The following PPP2R5C variants were observed in gnomAD, a reference collection of about 807,000 sequenced individuals.
PPP2R5C encodes protein phosphatase 2 regulatory subunit B'gamma.
A neutral mutation model predicts 68.9 loss-of-function variants in PPP2R5C; 7 were observed. That is an observed-to-expected ratio of 0.10 (90% CI 0.06 to 0.19). The LOEUF (loss-of-function observed/expected upper bound fraction) is 0.19, where lower values mean the gene tolerates loss of function less well. Ranked by LOEUF, PPP2R5C falls within the 10% of genes least tolerant of loss-of-function variation. The pLI is 1.00. For missense variants in PPP2R5C, 348 were observed against 641.3 expected (o/e 0.54, Z 4.94); for synonymous variants, 210 against 222.2 (o/e 0.95, Z 0.49).
At chr14:101,900,439 A>G (rs1217976537) in intron 8 of PPP2R5C, among the ~76,000 whole-genome samples, 1 of 152,212 alleles carries the variant, frequency 6.6e-6, no homozygotes, top group Non-Finnish European at 1.5e-5. Context: ...ACTTGTGGCA[A>G]TTGCACAGCA....
intron 2 of PPP2R5C, among the ~76,000 whole-genome samples, chr14:101,785,198 G>T (rs1200458262): frequency 6.6e-6 from 1 of 152,044 alleles, no homozygotes; most frequent in Non-Finnish European, 1.5e-5. Flanking sequence ...GCCTGCTTTG[G>T]GTGTTCAAGA....
chr14:101,804,263 CTG>C (rs1196491861), intron 3 of PPP2R5C, among the ~76,000 whole-genome samples: 2 of 152,222 alleles, frequency 1.3e-5, no homozygotes, highest in African/African-American at 4.8e-5. Flanking sequence ...CCCTCGTACA[CTG>C]TTGTTAGGAA....
intron 9 of PPP2R5C, among the ~76,000 whole-genome samples, chr14:101,904,512 G>A (rs776717913): frequency 6.0e-4 from 91 of 152,222 alleles, no homozygotes; most frequent in Middle Eastern, 3.2e-3. Flanking sequence ...CCTAGGAGCT[G>A]TGATGCGATT....
chr14:101,911,183 G>A (rs1261182739), intron 11 of PPP2R5C, among the ~76,000 whole-genome samples: 1 of 151,952 alleles, frequency 6.6e-6, no homozygotes, highest in Non-Finnish European at 1.5e-5. Flanking sequence ...GCTGAGGCAG[G>A]AGGATGGCGT....
At chr14:101,841,505 C>T (rs926726012) in intron 1 of PPP2R5C, among the ~76,000 whole-genome samples, 5 of 152,158 alleles carry the variant, frequency 3.3e-5, no homozygotes, top group Non-Finnish European at 7.4e-5. Flanking sequence ...TTGAAAGACA[C>T]GGGGCCGGCT....
chr14:101,872,624 G>T (rs1285302382), intron 2 of PPP2R5C, among the ~76,000 whole-genome samples: 1 of 152,084 alleles, frequency 6.6e-6, no homozygotes, highest in African/African-American at 2.4e-5. Flanking sequence ...TGTCTTGCTT[G>T]CATTATTTCT....
chr14:101,825,511 G>A lies in PPP2R5C; in HGVS notation c.94+15475G>A, dbSNP rs1046223712. Among the ~76,000 whole-genome samples, 4 of 152,126 alleles carry A rather than the reference G, an allele frequency of 2.6e-5. No individual in the cohort carries two copies. On this transcript the variant is annotated intron_variant, in intron 1 of 13. Transcript: ENST00000334743. This position sits in a 1 kb window ranked among gnomAD's most constrained non-coding sequence, Gnocchi z 4.0. ...AGCTTTTGCCCAGCCTATTTGGGGT[G>A]CACACGCTCATCGATGAGGGCAACA... is the stretch of plus-strand genomic sequence containing the variant.
intron 2 of PPP2R5C, among the ~76,000 whole-genome samples, chr14:101,770,914 A>G (rs2037111721): frequency 6.6e-6 from 1 of 152,238 alleles, no homozygotes; most frequent in Non-Finnish European, 1.5e-5. Flanking sequence ...CATCTGGAAT[A>G]TTTCAATTCG....
chr14:101,773,574 T>G (rs1327518267), intron 2 of PPP2R5C, among the ~76,000 whole-genome samples: 1 of 151,854 alleles, frequency 6.6e-6, no homozygotes, highest in Non-Finnish European at 1.5e-5. Context: ...TAAGGAAAAG[T>G]GAGGGTAGGC....
At chr14:101,890,410 A>G (rs2044790950) in intron 6 of PPP2R5C, 114 bp downstream of exon 8, 1 of 975,794 alleles carries the variant, frequency 1.0e-6, no homozygotes, top group Admixed American at 2.7e-5. Flanking sequence ...CCATTCTCTA[A>G]AAGAATTCAA....
intron 5 of PPP2R5C, among the ~76,000 whole-genome samples, chr14:101,885,395 C>T (rs1029978913): frequency 5.3e-5 from 8 of 150,698 alleles, no homozygotes; most frequent in East Asian, 3.9e-4. Context: ...CCCGCAGCCC[C>T]GGCCTCTCCC....
intron 1 of PPP2R5C, among the ~76,000 whole-genome samples, chr14:101,829,976 A>G (rs1415945577): frequency 2.0e-5 from 3 of 151,854 alleles, no homozygotes; most frequent in Non-Finnish European, 1.5e-5. Flanking sequence ...ACTTGTTTCT[A>G]TTTGGTCCTC....
rs1446561504 is a variant in PPP2R5C, at chr14:101,917,946, A to G, written c.1442A>G (p.Gln481Arg). ...AAGACAGTGAAGGACGAGGCTCATC[A>G]GGTAAAAGTGCACCGAGCTCAGCTG... Residue 481 changes from glutamine to arginine, a missense_variant and splice_region_variant, in exon 13 of 14, where the codon CAG (glutamine) becomes CGG (arginine). Around this residue, in one of 4 missense-constraint regions of PPP2R5C, gnomAD observed 118 missense variants for 108.9 expected, o/e 1.08. Transcript: ENST00000334743. The surrounding 1 kb of genome is among the most constrained non-coding windows in gnomAD (Gnocchi z 4.4). The G allele has an allele frequency of 6.2e-7, 1 of 1,613,754 alleles. No homozygotes were observed. Among genetic ancestry groups the G allele is most frequent in the Non-Finnish European group, 8.5e-7 (1 of 1,179,836 alleles).
At chr14:101,886,010 G>A (rs1359236389) in intron 5 of PPP2R5C, among the ~76,000 whole-genome samples, 1 of 152,222 alleles carries the variant, frequency 6.6e-6, no homozygotes, top group Non-Finnish European at 1.5e-5. Context: ...GGCCGGGCGT[G>A]GTGGCTCACG....
In PPP2R5C at chr14:101,877,029, A is replaced by C. The variant is rs1216279131; in HGVS notation, c.295-5132A>C. On this transcript the variant is annotated intron_variant, in intron 2 of 13. Coordinates refer to ENST00000334743, the Ensembl canonical transcript of PPP2R5C. This position sits in a 1 kb window ranked among gnomAD's most constrained non-coding sequence, Gnocchi z 4.2. The stretch of plus-strand genomic sequence containing the variant: ...AGTGGTGCAATCTCGGTTCACTGCA[A>C]CTTCCACCTCCCAGATTCAAGTGAT... Among the ~76,000 whole-genome samples, 1 of 143,694 alleles carries C rather than the reference A, an allele frequency of 7.0e-6. No homozygotes were observed. The highest frequency in any genetic ancestry group is 1.5e-5 in the Non-Finnish European group (1 of 67,248). 94.3% of individuals were successfully genotyped at this position (143,694 alleles called of 152,430 possible). A position where few individuals can be genotyped will look rare whatever the true frequency, so the allele number is the denominator to read the frequency against.
At chr14:101,866,586 C>T (rs1048607462) in intron 2 of PPP2R5C, among the ~76,000 whole-genome samples, 10 of 152,208 alleles carry the variant, frequency 6.6e-5, no homozygotes, top group African/African-American at 2.4e-4. Flanking sequence ...AGGAGAATCG[C>T]TTAAACCCTG....
chr14:101,761,690 C>T (rs1216781157), upstream of PPP2R5C: 7 of 198,180 alleles, frequency 3.5e-5, no homozygotes, highest in South Asian at 1.6e-4. Context: ...CCGCCGCTGC[C>T]GCCGCCGCCG....
At chr14:101,824,033 C>T (rs569285470) in intron 1 of PPP2R5C, 5 of 1,289,114 alleles carry the variant, frequency 3.9e-6, no homozygotes, top group Middle Eastern at 2.1e-4. Context: ...CCACTTGTTC[C>T]GTGGCACAGC....
At chr14:101,824,317 C>G in intron 1 of PPP2R5C, 1 of 606,758 alleles carries the variant, frequency 1.6e-6, no homozygotes, top group Non-Finnish European at 2.4e-6. Flanking sequence ...AAAACTGGCT[C>G]TGTTTTAGTG....
Sources: gnomAD v4.1 joint callset for allele counts (sites outside exome capture counted in the v4.1 genomes callset) on GRCh38, gnomAD v4.1.1 for gene constraint, gnomAD v4.1.1 regional missense constraint, Gnocchi (gnomAD v3.1) non-coding constraint, MANE v1.5 for transcripts, NCBI Gene and HGNC (gene_info 2026-07-23, HGNC 2026-07-21) for gene names.